DMXL2: variants seen among roughly 807,000 people sequenced by gnomAD.
The protein encoded by DMXL2 is Dmx like 2.
In DMXL2, 103 loss-of-function variants were observed where a neutral mutation model predicts 331.1. The observed-to-expected ratio is 0.31, with a 90% CI of 0.27 to 0.37. The LOEUF (loss-of-function observed/expected upper bound fraction) is 0.37. Among genes scored for constraint, DMXL2 ranks in the 10% least tolerant of loss-of-function variants. DMXL2 has a pLI of 1.00. For missense variants in DMXL2, 3,171 were observed against 3,642.9 expected, an observed-to-expected ratio of 0.87 and a Z score of 3.33; for synonymous variants, 1,281 against 1,252.1, an observed-to-expected ratio of 1.02 and a Z score of -0.49.
chr15:51,606,149 A>G (rs2053571438), intron 1 of DMXL2, among the ~76,000 whole-genome samples: 1 of 152,220 alleles, frequency 6.6e-6, no homozygotes, highest in Admixed American at 6.5e-5. Context: ...ATTAATCCAC[A>G]TAACATTAGA....
chr15:51,499,768 A>G lies in DMXL2; in HGVS notation c.3456T>C (p.Asp1152=). The change falls in exon 18 of 44, where the codon GAT becomes GAC. Residue 1152 remains aspartate (D), a synonymous_variant. Transcript: ENST00000560891. ...GATATCTATCCTTGCTCAAGAGTGC[A>G]TCTGACTTGCTATACACAAACAGAT... ...DSNLFVYSKS[D]ALLSKDRYLI... 1.2e-6 allele frequency: 2 copies of G among 1,614,188 alleles called. No homozygotes were observed. The highest frequency in any genetic ancestry group is 4.5e-5 in the East Asian group (2 of 44,878).
At chr15:51,469,271 T>C (rs1402231842) in intron 29 of DMXL2, among the ~76,000 whole-genome samples, 2 of 151,792 alleles carry the variant, frequency 1.3e-5, no homozygotes, top group African/African-American at 4.8e-5. Context: ...CCAAACAAAG[T>C]AGTGGGGAGA....
Position 51,486,072 on chromosome 15 carries a change from C to T in DMXL2, c.5482+1G>A. The T allele has an allele frequency of 6.3e-7, 1 of 1,590,370 alleles. No individual in the cohort carries two copies. Among genetic ancestry groups the T allele is most frequent in the Non-Finnish European group, 8.6e-7 (1 of 1,164,320 alleles). ...AAAAAGAAATCCACAAAACGTCCTA[C>T]CTTGATGTTCATCATCCTCCTTTGG... On this transcript the variant is annotated splice_donor_variant, in intron 23 of 43. Coordinates refer to ENST00000560891, the MANE Select transcript of DMXL2 (RefSeq NM_001378457.1). LOFTEE classifies it high-confidence loss of function.
At chr15:51,461,474 T>C (rs2040116102) in intron 33 of DMXL2, among the ~76,000 whole-genome samples, 1 of 152,196 alleles carries the variant, frequency 6.6e-6, no homozygotes. Context: ...ATTTTAATAA[T>C]TTGAAGAACA....
chr15:51,532,196 C>CAA (rs922284711), intron 13 of DMXL2, among the ~76,000 whole-genome samples: 1 of 142,682 alleles, frequency 7.0e-6, no homozygotes, highest in Non-Finnish European at 1.5e-5. Flanking sequence ...ACTACTTGGC[C>CAA]AAAAAAAAAA....
intron 1 of DMXL2, among the ~76,000 whole-genome samples, chr15:51,615,361 C>T (rs1452288032): frequency 6.6e-6 from 1 of 152,186 alleles, no homozygotes; most frequent in Non-Finnish European, 1.5e-5. Flanking sequence ...GAATCATGCA[C>T]TTGAGTAGGA....
intron 14 of DMXL2, among the ~76,000 whole-genome samples, chr15:51,516,022 A>C (rs2047017979): frequency 6.6e-6 from 1 of 152,166 alleles, no homozygotes; most frequent in Non-Finnish European, 1.5e-5. Flanking sequence ...GAGATGATGT[A>C]TTTTATCTAT....
chr15:51,593,756 G>C (rs1330824825), intron 1 of DMXL2, among the ~76,000 whole-genome samples: 2 of 152,196 alleles, frequency 1.3e-5, no homozygotes, highest in Non-Finnish European at 2.9e-5. Context: ...TCAGGATTAA[G>C]AAACTCACTC....
In DMXL2 at chr15:51,537,726, G is replaced by C; in HGVS notation, c.1379C>G (p.Thr460Arg). ...TCCATCTTCATGTTCTGATGATCCT[G>C]TACCTGCCTCAGATTCTCTATCCAG... is the stretch of plus-strand genomic sequence containing the variant. The part of the protein sequence containing the change: ...LSLDRESEAG[T>R]GSSEHEDGER... Residue 460 changes from threonine (T) to arginine (R), a missense_variant, in exon 11 of 44, where the codon ACA becomes AGA. This residue lies in a region of DMXL2 where 1,674 missense variants were observed against 1,780.2 expected (regional missense o/e 0.94). Transcript: ENST00000560891. 1.2e-6 allele frequency: 2 copies of C among 1,613,548 alleles called. No individual in the cohort carries two copies. Among genetic ancestry groups the C allele is most frequent in the South Asian group, 1.1e-5 (1 of 91,050 alleles).
At position 51,488,402 on chromosome 15, in the gene DMXL2, C is replaced by A. The variant is rs981953296; in HGVS notation, c.5051+146G>T. ...AGATTAAGCTGAAAAGATATTTTAC[C>A]CATTTTTTTCAGCTAAAGGAACCAG... is the stretch of plus-strand genomic sequence containing the variant. On this transcript the variant is annotated intron_variant, in intron 21 of 43. Coordinates refer to ENST00000560891, the MANE Select transcript of DMXL2 (RefSeq NM_001378457.1). 14 of 760,194 alleles carry A rather than the reference C, an allele frequency of 1.8e-5. No individual in the cohort carries two copies. In the African/African-American group the frequency reaches 2.4e-4, roughly 13 times the overall value. The allele number at this position is 760,194 out of a possible 1,614,324, so 47.1% of individuals were successfully genotyped here.
intron 1 of DMXL2, among the ~76,000 whole-genome samples, chr15:51,594,691 C>T (rs2052657647): frequency 6.6e-6 from 1 of 152,160 alleles, no homozygotes; most frequent in Admixed American, 6.5e-5. Context: ...CCAAATCCAG[C>T]AGCACATCAA....
At chr15:51,507,300 G>A in intron 15 of DMXL2, 47 bp from the exon 16 acceptor site, 1 of 1,528,898 alleles carries the variant, frequency 6.5e-7, no homozygotes, top group Non-Finnish European at 8.8e-7. Context: ...GTTTTTATGG[G>A]GTTAAAAAAA....
chr15:51,613,299 G>A (rs1299550776), intron 1 of DMXL2, among the ~76,000 whole-genome samples: 2 of 152,172 alleles, frequency 1.3e-5, no homozygotes, highest in Non-Finnish European at 2.9e-5. Flanking sequence ...TATGTTCAGA[G>A]ACTGCAGTAA....
At chr15:51,600,536 CT>C (rs1595703748) in intron 1 of DMXL2, among the ~76,000 whole-genome samples, 1 of 152,340 alleles carries the variant, frequency 6.6e-6, no homozygotes, top group East Asian at 1.9e-4. Context: ...TGGCACCCCT[CT>C]TCCTGTTGAC....
In DMXL2 at chr15:51,499,789, C is replaced by G. The variant is rs2140490027; in HGVS notation, c.3435G>C (p.Leu1145=). Residue 1145 remains leucine, a synonymous_variant, in exon 18 of 44, where the codon CTG becomes CTC. Coordinates refer to ENST00000560891, the MANE Select transcript of DMXL2 (RefSeq NM_001378457.1). Reference sequence around the variant, plus strand: ...GTGCATCTGACTTGCTATACACAAACAGATTACTGTCGACGCTGACCCTTG... The same window carrying G: ...GTGCATCTGACTTGCTATACACAAAGAGATTACTGTCGACGCTGACCCTTG... The part of the protein sequence containing the change: ...LDSRVSVDSN[L]FVYSKSDALL... 3 of 1,614,128 alleles carry G rather than the reference C, an allele frequency of 1.9e-6. No homozygotes were observed. Among genetic ancestry groups the G allele is most frequent in the Non-Finnish European group, 2.5e-6 (3 of 1,180,014 alleles).
rs1384873903 is a variant in DMXL2 at position 51,458,696 on chromosome 15, T to TGA, written c.8076+11_8076+12dup. 6.2e-7 allele frequency: 1 copy of TGA among 1,613,846 alleles called. No homozygotes were observed. Among genetic ancestry groups the TGA allele is most frequent in the Non-Finnish European group, 8.5e-7 (1 of 1,179,882 alleles). ...AGGAGAAATACACTGTGTATAATGATGAGAGCTTTTACCTTATTAACAGAA... is the reference window on the plus strand; with the variant it reads ...AGGAGAAATACACTGTGTATAATGATGAGAGAGCTTTTACCTTATTAACAGAA... On this transcript the variant is annotated intron_variant, in intron 35 of 43. Coordinates refer to ENST00000560891, the MANE Select transcript of DMXL2 (RefSeq NM_001378457.1).
chr15:51,503,763 C>T (rs1286179451), intron 16 of DMXL2, among the ~76,000 whole-genome samples: 1 of 151,998 alleles, frequency 6.6e-6, no homozygotes, highest in Non-Finnish European at 1.5e-5. Context: ...AATGAATATC[C>T]TAAATACCAT....
At chr15:51,614,476 T>C (rs992714768) in intron 1 of DMXL2, among the ~76,000 whole-genome samples, 2 of 152,250 alleles carry the variant, frequency 1.3e-5, no homozygotes, top group African/African-American at 4.8e-5. Context: ...CAATTCCTCC[T>C]GATACATTAA....
At position 51,537,544 on chromosome 15, in the gene DMXL2, C is replaced by T. The variant is rs2048352409; in HGVS notation, c.1561G>A (p.Val521Met). ...TCATCCAAATACTTCACATGCCACA[C>T]TAGAAAGGTACCATCTACAGGGTGT... Reference protein sequence around the residue: ...TIHPVDGTFLVWHVKYLDEYN... With the variant: ...TIHPVDGTFLMWHVKYLDEYN... Residue 521 changes from valine to methionine, a missense_variant, in exon 11 of 44, where the codon GTG becomes ATG. Physicochemically the swap from Val to Met is conservative, Grantham distance 21. Around this residue, in one of 7 missense-constraint regions of DMXL2, gnomAD observed 1,674 missense variants for 1,780.2 expected, o/e 0.94. Coordinates refer to ENST00000560891, the MANE Select transcript of DMXL2 (RefSeq NM_001378457.1). The T allele has an allele frequency of 6.2e-7, 1 of 1,613,776 alleles. No individual in the cohort carries two copies.
Sources: gnomAD v4.1 joint callset for allele counts (sites outside exome capture counted in the v4.1 genomes callset) on GRCh38, gnomAD v4.1.1 for gene constraint, gnomAD v4.1.1 regional missense constraint, MANE v1.5 for transcripts, NCBI Gene and HGNC (gene_info 2026-07-23, HGNC 2026-07-21) for gene names.